ATRNL1: variants seen among roughly 807,000 people sequenced by gnomAD.
The protein encoded by ATRNL1 is attractin like 1, also known as attractin-like protein 1.
Under a neutral mutation model 182.7 loss-of-function variants are expected in ATRNL1, and 95 were observed. That is an observed-to-expected ratio of 0.52 (90% CI 0.44 to 0.62). The LOEUF (loss-of-function observed/expected upper bound fraction) is 0.62. Ranked by LOEUF, ATRNL1 falls within the 20% of genes least tolerant of loss-of-function variation. The pLI, the probability that ATRNL1 is intolerant of heterozygous loss-of-function variation, is 0.00. For synonymous variants in ATRNL1, 576 were observed against 568.3 expected, an observed-to-expected ratio of 1.01 and a Z score of -0.19; for missense variants, 1,471 against 1,679.5, an observed-to-expected ratio of 0.88 and a Z score of 2.17.
intron 8 of ATRNL1, among the ~76,000 whole-genome samples, chr10:115,202,199 T>A (rs1554892563): frequency 6.6e-6 from 1 of 151,118 alleles, no homozygotes; most frequent in African/African-American, 2.4e-5. Flanking sequence ...TGACTTCCTC[T>A]TTTCCTAATT....
chr10:115,173,672 A>G (rs1490014552), intron 8 of ATRNL1, among the ~76,000 whole-genome samples: 2 of 151,868 alleles, frequency 1.3e-5, no homozygotes, highest in African/African-American at 4.8e-5. Flanking sequence ...TTATGTGCTT[A>G]TTGTAAATTG....
chr10:115,199,707 A>C (rs1202236044), intron 8 of ATRNL1, among the ~76,000 whole-genome samples: 2 of 152,198 alleles, frequency 1.3e-5, no homozygotes, highest in Non-Finnish European at 2.9e-5. Flanking sequence ...TTAGCAAGCT[A>C]AAGTGGTAGT....
At chr10:115,243,929 C>G (rs1850523344) in intron 10 of ATRNL1, among the ~76,000 whole-genome samples, 1 of 152,004 alleles carries the variant, frequency 6.6e-6, no homozygotes, top group Non-Finnish European at 1.5e-5. Context: ...CTAAAATAAT[C>G]TGTTTTATCC....
intron 28 of ATRNL1, among the ~76,000 whole-genome samples, chr10:115,903,382 A>G (rs2134497277): frequency 6.6e-6 from 1 of 152,238 alleles, no homozygotes; most frequent in Admixed American, 6.5e-5. Context: ...CAGGCTCAGG[A>G]GCATTATATT....
intron 26 of ATRNL1, among the ~76,000 whole-genome samples, chr10:115,613,328 T>C (rs999161715): frequency 5.3e-5 from 8 of 152,204 alleles, no homozygotes; most frequent in African/African-American, 1.7e-4. Context: ...ATGTTCCACA[T>C]TTAGTTATTT....
intron 26 of ATRNL1, among the ~76,000 whole-genome samples, chr10:115,682,039 G>T (rs1946062405): frequency 6.6e-6 from 1 of 152,100 alleles, no homozygotes; most frequent in African/African-American, 2.4e-5. Flanking sequence ...TTTTTAGACT[G>T]TTTTAGACTT....
At chr10:115,289,893 G>C (rs185600050) in intron 15 of ATRNL1, among the ~76,000 whole-genome samples, 2 of 152,176 alleles carry the variant, frequency 1.3e-5, no homozygotes, top group East Asian at 3.9e-4. Context: ...ACAGGTTTTA[G>C]GATTGCTTTT....
intron 8 of ATRNL1, among the ~76,000 whole-genome samples, chr10:115,182,776 A>G (rs760520620): frequency 1.8e-4 from 28 of 151,582 alleles, no homozygotes; most frequent in Non-Finnish European, 2.8e-4. Flanking sequence ...ATATTAGAAG[A>G]ATATTATCTA....
chr10:115,900,749 CA>C (rs1219722215), intron 28 of ATRNL1, among the ~76,000 whole-genome samples: 1 of 152,038 alleles, frequency 6.6e-6, no homozygotes, highest in African/African-American at 2.4e-5. Context: ...TTAATCACTC[CA>C]ACATGACGTT....
intron 15 of ATRNL1, among the ~76,000 whole-genome samples, chr10:115,294,050 C>T (rs188365539): frequency 1.3e-5 from 2 of 152,334 alleles, no homozygotes; most frequent in East Asian, 3.9e-4. Context: ...TATTTCTAGA[C>T]ACCTGTTCCC....
At chr10:115,253,032 T>G (rs1554905741) in intron 10 of ATRNL1, among the ~76,000 whole-genome samples, 2 of 152,186 alleles carry the variant, frequency 1.3e-5, no homozygotes, top group African/African-American at 4.8e-5. Context: ...GCTCTCAAAC[T>G]CCAACTTATT....
intron 12 of ATRNL1, 21 bp downstream of exon 12, chr10:115,267,026 G>T: frequency 6.5e-7 from 1 of 1,546,072 alleles, no homozygotes; most frequent in Non-Finnish European, 8.9e-7. Flanking sequence ...TTTTCTTTTC[G>T]TCTTTGTGGC....
intron 28 of ATRNL1, among the ~76,000 whole-genome samples, chr10:115,894,918 C>T (rs1011799466): frequency 2.0e-5 from 3 of 152,252 alleles, no homozygotes; most frequent in Middle Eastern, 3.4e-3. Context: ...TTAGATGGCT[C>T]TCAATTGCTC....
chr10:115,228,257 A>G (rs904475601), intron 9 of ATRNL1, among the ~76,000 whole-genome samples: 3 of 152,186 alleles, frequency 2.0e-5, no homozygotes, highest in African/African-American at 7.2e-5. Flanking sequence ...GAGTAGTTGC[A>G]TCTGGTTTCG....
chr10:115,154,921 C>T (rs548096319), intron 5 of ATRNL1, among the ~76,000 whole-genome samples: 1 of 152,220 alleles, frequency 6.6e-6, no homozygotes, highest in South Asian at 2.1e-4. Flanking sequence ...CAATTTCTCC[C>T]TTTAAATGTA....
intron 8 of ATRNL1, among the ~76,000 whole-genome samples, chr10:115,206,264 GT>G (rs1848792179): frequency 6.6e-6 from 1 of 151,998 alleles, no homozygotes; most frequent in Admixed American, 6.6e-5. Context: ...TTTTTCAACA[GT>G]TTAATTGTTA....
chr10:115,325,318 T>C (rs1291321997), intron 18 of ATRNL1, among the ~76,000 whole-genome samples: 1 of 152,190 alleles, frequency 6.6e-6, no homozygotes, highest in African/African-American at 2.4e-5. Flanking sequence ...AACACTCTTA[T>C]GTGCAAGCTG....
chr10:115,431,549 A>G (rs1554963970), intron 21 of ATRNL1, among the ~76,000 whole-genome samples: 2 of 152,132 alleles, frequency 1.3e-5, no homozygotes, highest in Non-Finnish European at 2.9e-5. Context: ...GGCATGATAA[A>G]TGTTACAGTT....
intron 8 of ATRNL1, among the ~76,000 whole-genome samples, chr10:115,185,153 G>A (rs1180663083): frequency 1.3e-5 from 2 of 151,950 alleles, no homozygotes; most frequent in Non-Finnish European, 2.9e-5. Flanking sequence ...ACATGGATAT[G>A]TAGATACATA....
Sources: allele counts gnomAD v4.1 joint callset (sites outside exome capture counted in the v4.1 genomes callset), GRCh38; gene constraint gnomAD v4.1.1; transcripts MANE v1.5; gene names NCBI Gene and HGNC (gene_info 2026-07-23, HGNC 2026-07-21).